Variants in C12orf42 observed in about 807,000 individuals in gnomAD.
C12orf42 encodes the protein uncharacterized protein C12orf42.
A neutral mutation model predicts 21.6 loss-of-function variants in C12orf42; 25 were observed. That is an observed-to-expected ratio of 1.16 (90% CI 0.84 to 1.62). C12orf42 has a LOEUF of 1.62. Among genes scored for constraint, C12orf42 ranks in the 40% most tolerant of loss-of-function variants. The pLI is 0.00. For missense variants in C12orf42, 483 were observed against 459.3 expected (o/e 1.05, Z -0.47); for synonymous variants, 174 against 175.0 (o/e 0.99, Z 0.05).
the C12orf42 span, among the ~76,000 whole-genome samples, chr12:103,509,592 T>C: frequency 5.6e-3 from 852 of 152,314 alleles, 6 homozygotes; most frequent in Middle Eastern, 0.017. Flanking sequence ...CTGCACATGG[T>C]TATGCTGACC....
chr12:103,441,734 T>G (rs1334108556), intron 2 of C12orf42: 1 of 152,142 alleles, frequency 6.6e-6, no homozygotes, highest in Non-Finnish European at 1.5e-5. Context: ...GATGAGCAAA[T>G]GTGAAAACAG....
chr12:103,138,486 G>A, the C12orf42 span, among the ~76,000 whole-genome samples: 1 of 152,094 alleles, frequency 6.6e-6, no homozygotes, highest in African/African-American at 2.4e-5. Flanking sequence ...GTTTCTTGAG[G>A]CCTCCTAGCC....
At chr12:103,554,462 T>G in the C12orf42 span, among the ~76,000 whole-genome samples, 1 of 152,118 alleles carries the variant, frequency 6.6e-6, no homozygotes, top group Non-Finnish European at 1.5e-5. Flanking sequence ...CCAGTTTGAG[T>G]TCTCCAGAAG....
At chr12:103,093,039 T>A in the C12orf42 span, among the ~76,000 whole-genome samples, 1 of 152,232 alleles carries the variant, frequency 6.6e-6, no homozygotes, top group Non-Finnish European at 1.5e-5. Context: ...CTCTGTTTCC[T>A]GCATCCCTTC....
intron 4 of C12orf42, among the ~76,000 whole-genome samples, chr12:103,329,384 G>A (rs113874698): frequency 6.6e-6 from 1 of 152,084 alleles, no homozygotes; most frequent in African/African-American, 2.4e-5. Flanking sequence ...CTGTCGGTGG[G>A]TGGAGAGCAA....
intron 2 of C12orf42, among the ~76,000 whole-genome samples, chr12:103,443,394 T>C (rs1951382521): frequency 6.6e-6 from 1 of 151,946 alleles, no homozygotes; most frequent in Non-Finnish European, 1.5e-5. Context: ...ATAAGGAAAA[T>C]TAGTGCACTC....
chr12:103,271,164 C>A (rs549992877), intron 5 of C12orf42, among the ~76,000 whole-genome samples: 2 of 152,246 alleles, frequency 1.3e-5, no homozygotes, highest in East Asian at 1.9e-4. Flanking sequence ...CATGGGAGGC[C>A]TCCTCTGGAT....
At chr12:103,047,815 G>A in the C12orf42 span, among the ~76,000 whole-genome samples, 2 of 152,158 alleles carry the variant, frequency 1.3e-5, no homozygotes, top group Admixed American at 6.5e-5. Context: ...CCCATGGTCT[G>A]TAATCCAGAA....
At chr12:103,504,424 G>A in the C12orf42 span, 15 of 161,258 alleles carry the variant, frequency 9.3e-5, no homozygotes, top group Admixed American at 1.9e-4. Flanking sequence ...CATGATCATC[G>A]TGGACAGCGT....
At chr12:103,529,457 C>A in the C12orf42 span, among the ~76,000 whole-genome samples, 2 of 152,330 alleles carry the variant, frequency 1.3e-5, no homozygotes, top group East Asian at 3.9e-4. Flanking sequence ...ACTATTTCAA[C>A]AGTGCGTCGG....
At chr12:103,562,841 T>A in the C12orf42 span, among the ~76,000 whole-genome samples, 1 of 152,184 alleles carries the variant, frequency 6.6e-6, no homozygotes, top group South Asian at 2.1e-4. Context: ...ACATCATCAG[T>A]CCCACACCAT....
At chr12:103,135,018 G>A in the C12orf42 span, among the ~76,000 whole-genome samples, 54,125 of 151,924 alleles carry the variant, frequency 0.36, 10,151 homozygotes, top group East Asian at 0.48. Context: ...GCTAGCCAAG[G>A]GTGCTATATG....
chr12:103,552,870 C>T, the C12orf42 span, among the ~76,000 whole-genome samples: 1 of 152,090 alleles, frequency 6.6e-6, no homozygotes, highest in Non-Finnish European at 1.5e-5. Context: ...AGGGAAGAGG[C>T]ATATCTTATG....
intron 10 of C12orf42, among the ~76,000 whole-genome samples, chr12:103,256,111 T>TATACAC (rs1439188517): frequency 2.5e-3 from 83 of 33,832 alleles, no homozygotes; most frequent in Non-Finnish European, 3.6e-3. Context: ...TATATATATA[T>TATACAC]ACACACACAC....
intron 4 of C12orf42, among the ~76,000 whole-genome samples, chr12:103,287,546 G>A (rs573550385): frequency 6.6e-6 from 1 of 151,992 alleles, no homozygotes; most frequent in South Asian, 2.1e-4. Context: ...CACACACCAG[G>A]GACTGTTGTG....
At chr12:103,384,739 G>A (rs1399964562) in intron 3 of C12orf42, among the ~76,000 whole-genome samples, 1 of 152,180 alleles carries the variant, frequency 6.6e-6, no homozygotes, top group Non-Finnish European at 1.5e-5. Flanking sequence ...AACATGCACA[G>A]AACATAGCAC....
chr12:103,053,571 A>T, the C12orf42 span, among the ~76,000 whole-genome samples: 1 of 151,884 alleles, frequency 6.6e-6, no homozygotes, highest in East Asian at 1.9e-4. Context: ...TCTTTACAGG[A>T]TCTTTCTAAA....
At chr12:103,362,348 A>T (rs1204229698) in intron 4 of C12orf42, among the ~76,000 whole-genome samples, 4 of 152,102 alleles carry the variant, frequency 2.6e-5, no homozygotes, top group Non-Finnish European at 5.9e-5. Flanking sequence ...GAACAATTTA[A>T]TCTGAACAGC....
chr12:103,107,560 C>T, the C12orf42 span, among the ~76,000 whole-genome samples: 11 of 151,758 alleles, frequency 7.2e-5, no homozygotes, highest in Admixed American at 7.2e-4. Flanking sequence ...TATTTAAAAT[C>T]AAATGACAAG....
Sources: allele counts gnomAD v4.1 joint callset (sites outside exome capture counted in the v4.1 genomes callset), GRCh38; gene constraint gnomAD v4.1.1; transcripts MANE v1.5; gene names NCBI Gene and HGNC (gene_info 2026-07-23, HGNC 2026-07-21).